The following SNTG1 variants were observed in gnomAD, a reference collection of about 807,000 sequenced individuals.
The protein encoded by SNTG1 is syntrophin gamma 1.
Under a neutral mutation model 74.7 loss-of-function variants are expected in SNTG1, and 39 were observed. That is an observed-to-expected ratio of 0.52 (90% CI 0.40 to 0.68). The LOEUF (loss-of-function observed/expected upper bound fraction) is 0.68, where lower values mean the gene tolerates loss of function less well. Ranked by LOEUF, SNTG1 falls within the 30% of genes least tolerant of loss-of-function variation. The pLI, the probability that SNTG1 is intolerant of heterozygous loss-of-function variation, is 0.00. For missense variants in SNTG1, 685 were observed against 609.5 expected (o/e 1.12, Z -1.30); for synonymous variants, 254 against 217.1 (o/e 1.17, Z -1.49).
intron 1 of SNTG1, among the ~76,000 whole-genome samples, chr8:50,049,432 C>A (rs554205508): frequency 1.3e-5 from 2 of 152,052 alleles, no homozygotes; most frequent in Non-Finnish European, 2.9e-5. Flanking sequence ...TGGATTGATT[C>A]ATCAGAAGTC....
intron 17 of SNTG1, 109 bp downstream of exon 17, chr8:50,709,087 TTTAAGATCTTCGTTTTTG>T: frequency 2.4e-6 from 2 of 841,276 alleles, no homozygotes; most frequent in South Asian, 3.3e-5. Flanking sequence ...TCGTGTCAAA[TTTAAGATCTTCGTTTTTG>T]TTAATGGAAG....
At chr8:50,567,449 T>G (rs1453787415) in intron 12 of SNTG1, among the ~76,000 whole-genome samples, 3 of 152,156 alleles carry the variant, frequency 2.0e-5, no homozygotes, top group Non-Finnish European at 4.4e-5. Context: ...TAGATATATT[T>G]TGTTACTTTG....
chr8:50,103,192 G>T (rs1196694889), intron 1 of SNTG1, among the ~76,000 whole-genome samples: 1 of 152,196 alleles, frequency 6.6e-6, no homozygotes, highest in South Asian at 2.1e-4. Context: ...CTACCCATGA[G>T]CATGGAATGT....
chr8:50,359,972 C>T (rs1026875780), intron 2 of SNTG1, among the ~76,000 whole-genome samples: 1 of 151,996 alleles, frequency 6.6e-6, no homozygotes, highest in African/African-American at 2.4e-5. Context: ...CTAAAATCTT[C>T]ATGTTAAAAA....
chr8:49,919,465 C>A (rs915033410), intron 1 of SNTG1, among the ~76,000 whole-genome samples: 13 of 152,018 alleles, frequency 8.6e-5, no homozygotes, highest in South Asian at 8.3e-4. Flanking sequence ...AAGAATCTAC[C>A]CAAGATTTCT....
At chr8:50,519,279 A>G (rs892701285) in intron 9 of SNTG1, among the ~76,000 whole-genome samples, 1 of 152,194 alleles carries the variant, frequency 6.6e-6, no homozygotes, top group East Asian at 1.9e-4. Context: ...ACTCTCAATA[A>G]ACTAGGTATT....
chr8:50,717,932 T>C (rs566425603), intron 17 of SNTG1, among the ~76,000 whole-genome samples: 1 of 152,296 alleles, frequency 6.6e-6, no homozygotes, highest in South Asian at 2.1e-4. Context: ...AGGGGCACTG[T>C]GTTTTCTGTA....
At chr8:50,311,571 G>A (rs2090115763) in intron 2 of SNTG1, among the ~76,000 whole-genome samples, 1 of 152,084 alleles carries the variant, frequency 6.6e-6, no homozygotes, top group Non-Finnish European at 1.5e-5. Flanking sequence ...TTTTTGATAT[G>A]CATAATGTGA....
At chr8:50,623,977 C>G (rs547783320) in intron 13 of SNTG1, among the ~76,000 whole-genome samples, 252 of 152,014 alleles carry the variant, frequency 1.7e-3, no homozygotes, top group African/African-American at 3.0e-3. Context: ...GTTAAGCTAT[C>G]TGGAAGTAAT....
At chr8:50,341,106 G>A (rs2091303632) in intron 2 of SNTG1, among the ~76,000 whole-genome samples, 1 of 151,902 alleles carries the variant, frequency 6.6e-6, no homozygotes, top group African/African-American at 2.4e-5. Context: ...TGGCTACATA[G>A]TAGTTTGGCC....
chr8:50,324,612 G>A (rs932903744), intron 2 of SNTG1, among the ~76,000 whole-genome samples: 2 of 151,978 alleles, frequency 1.3e-5, no homozygotes, highest in African/African-American at 4.8e-5. Context: ...TCCCTCTTTA[G>A]TTCCTGGTAT....
At chr8:50,278,866 G>T (rs1365487497) in intron 2 of SNTG1, among the ~76,000 whole-genome samples, 1 of 151,954 alleles carries the variant, frequency 6.6e-6, no homozygotes, top group African/African-American at 2.4e-5. Context: ...TAAGAGAGCA[G>T]TTTACAGTTA....
intron 1 of SNTG1, among the ~76,000 whole-genome samples, chr8:49,920,233 A>G (rs191611231): frequency 5.1e-4 from 77 of 152,126 alleles, no homozygotes; most frequent in Non-Finnish European, 9.4e-4. Context: ...GTAACCCTAC[A>G]CTTTAGTTTC....
intron 11 of SNTG1, among the ~76,000 whole-genome samples, chr8:50,548,850 C>A (rs925474295): frequency 6.6e-6 from 1 of 152,086 alleles, no homozygotes; most frequent in South Asian, 2.1e-4. Context: ...GTATTTTTAA[C>A]GGATTCTTCA....
intron 2 of SNTG1, among the ~76,000 whole-genome samples, chr8:50,320,575 C>T (rs1028719171): frequency 1.3e-5 from 2 of 151,096 alleles, no homozygotes; most frequent in Admixed American, 1.3e-4. Flanking sequence ...GTTCTGTTGA[C>T]ATTTCTAGTT....
chr8:50,178,468 A>G (rs796890173), intron 2 of SNTG1, among the ~76,000 whole-genome samples: 5 of 151,928 alleles, frequency 3.3e-5, no homozygotes, highest in African/African-American at 1.2e-4. Context: ...CTAACATGTT[A>G]GTTTTGAAAT....
intron 2 of SNTG1, among the ~76,000 whole-genome samples, chr8:50,339,979 A>G (rs1423908641): frequency 2.6e-5 from 4 of 151,978 alleles, no homozygotes; most frequent in Non-Finnish European, 5.9e-5. Context: ...CAAAAGAAAC[A>G]CAGAAAAAGA....
intron 4 of SNTG1, among the ~76,000 whole-genome samples, chr8:50,411,170 C>T (rs780741918): frequency 3.3e-5 from 5 of 151,924 alleles, no homozygotes; most frequent in Admixed American, 6.6e-5. Flanking sequence ...AAAGGAAGGC[C>T]GGGTGCGGTG....
chr8:50,322,241 G>C (rs191488297), intron 2 of SNTG1, among the ~76,000 whole-genome samples: 78 of 152,106 alleles, frequency 5.1e-4, no homozygotes, highest in African/African-American at 1.9e-3. Context: ...TCTCTTTCAT[G>C]CTTGAAAGAT....
Sources: gnomAD v4.1 joint callset for allele counts (sites outside exome capture counted in the v4.1 genomes callset) on GRCh38, gnomAD v4.1.1 for gene constraint, MANE v1.5 for transcripts, NCBI Gene and HGNC (gene_info 2026-07-23, HGNC 2026-07-21) for gene names.